APBB2: variants seen among roughly 807,000 people sequenced by gnomAD.
APBB2 encodes the protein amyloid beta precursor protein binding family B member 2.
APBB2 carries 38 observed loss-of-function variants against 82.5 expected under a neutral mutation model. The ratio of observed to expected loss-of-function variants is 0.46; its 90% confidence interval spans 0.36 to 0.60. The LOEUF is 0.60. Ranked by LOEUF, APBB2 falls within the 20% of genes least tolerant of loss-of-function variation. The pLI is 0.00. For missense variants in APBB2, 772 were observed against 972.3 expected, an observed-to-expected ratio of 0.79 and a Z score of 2.74; for synonymous variants, 341 against 368.2, an observed-to-expected ratio of 0.93 and a Z score of 0.85.
At chr4:40,919,641 C>A (rs746307053) in intron 10 of APBB2, among the ~76,000 whole-genome samples, 5 of 152,194 alleles carry the variant, frequency 3.3e-5, no homozygotes, top group Non-Finnish European at 5.9e-5. Flanking sequence ...GTGACTCTGT[C>A]CACACAGCCG....
chr4:41,033,062 C>T (rs1051669446), intron 5 of APBB2, among the ~76,000 whole-genome samples, 174 bp downstream of exon 5: 19 of 151,990 alleles, frequency 1.3e-4, no homozygotes, highest in Admixed American at 1.2e-3. Flanking sequence ...GGATTACAGG[C>T]GTGAGCCACC....
chr4:40,996,301 A>C (rs939607128), intron 6 of APBB2, among the ~76,000 whole-genome samples: 12 of 152,216 alleles, frequency 7.9e-5, no homozygotes, highest in Middle Eastern at 3.2e-3. Flanking sequence ...TAAGTATTTC[A>C]CTGTTTTTGT....
intron 6 of APBB2, among the ~76,000 whole-genome samples, chr4:40,945,705 C>T (rs1307938301): frequency 6.6e-6 from 1 of 152,120 alleles, no homozygotes; most frequent in East Asian, 1.9e-4. Flanking sequence ...CTCCACCTCC[C>T]GGGTTCACAC....
chr4:41,123,614 G>A, intron 2 of APBB2, among the ~76,000 whole-genome samples: 1 of 152,124 alleles, frequency 6.6e-6, no homozygotes, highest in Non-Finnish European at 1.5e-5. Context: ...GGTGAGGTCA[G>A]GAGTTTGTGA....
intron 12 of APBB2, among the ~76,000 whole-genome samples, chr4:40,868,812 G>A (rs1236343071): frequency 6.6e-6 from 1 of 152,072 alleles, no homozygotes; most frequent in Non-Finnish European, 1.5e-5. Flanking sequence ...CCACCAAAGA[G>A]CCATTTTATT....
chr4:40,903,187 G>A (rs1285630725), intron 10 of APBB2, among the ~76,000 whole-genome samples: 1 of 151,984 alleles, frequency 6.6e-6, no homozygotes, highest in Non-Finnish European at 1.5e-5. Context: ...TGGGCCAGGT[G>A]TGGTGGCTCA....
chr4:41,034,645 T>A (rs1006641019), intron 4 of APBB2, among the ~76,000 whole-genome samples: 9 of 152,244 alleles, frequency 5.9e-5, no homozygotes, highest in African/African-American at 2.2e-4. Context: ...TTAAGATGCA[T>A]CACCAAGAGG....
At chr4:40,899,263 A>G (rs1368303777) in intron 10 of APBB2, among the ~76,000 whole-genome samples, 2 of 152,188 alleles carry the variant, frequency 1.3e-5, no homozygotes, top group Non-Finnish European at 2.9e-5. Context: ...GTTAGTTACT[A>G]TGGGCATTTA....
intron 12 of APBB2, among the ~76,000 whole-genome samples, chr4:40,840,375 G>GA (rs546414882): frequency 8.4e-4 from 128 of 152,258 alleles, no homozygotes; most frequent in African/African-American, 2.8e-3. Context: ...ACTGCACTTT[G>GA]AAAAAATCTT....
chr4:40,981,179 C>T (rs917183896), intron 6 of APBB2, among the ~76,000 whole-genome samples: 8 of 151,978 alleles, frequency 5.3e-5, no homozygotes, highest in Non-Finnish European at 1.0e-4. Context: ...CTGAGGCGGG[C>T]GGATCACGAG....
At chr4:41,175,690 A>G (rs1185258757) in intron 1 of APBB2, among the ~76,000 whole-genome samples, 1 of 152,100 alleles carries the variant, frequency 6.6e-6, no homozygotes, top group Non-Finnish European at 1.5e-5. Flanking sequence ...TAATTTTTTT[A>G]TTCAGATAAA....
intron 6 of APBB2, among the ~76,000 whole-genome samples, chr4:40,955,764 A>G (rs886949115): frequency 5.3e-5 from 8 of 151,018 alleles, no homozygotes; most frequent in Admixed American, 2.0e-4. Flanking sequence ...TAACCAAAAC[A>G]TATTTTTCTT....
chr4:40,953,849 C>T (rs916594506), intron 6 of APBB2, among the ~76,000 whole-genome samples: 5 of 152,132 alleles, frequency 3.3e-5, no homozygotes, highest in African/African-American at 9.7e-5. Context: ...AGGGGCTCTG[C>T]GGCTCTTCGT....
chr4:41,060,452 C>G (rs1183068672), intron 4 of APBB2, among the ~76,000 whole-genome samples: 1 of 152,178 alleles, frequency 6.6e-6, no homozygotes, highest in Non-Finnish European at 1.5e-5. Flanking sequence ...CTCCCTCCCC[C>G]TCAGTCGTGG....
At chr4:41,096,345 C>T (rs551099278) in intron 3 of APBB2, among the ~76,000 whole-genome samples, 17 of 152,298 alleles carry the variant, frequency 1.1e-4, no homozygotes, top group African/African-American at 2.9e-4. Flanking sequence ...GTTTCAATAA[C>T]GCCCACCCCT....
intron 10 of APBB2, among the ~76,000 whole-genome samples, chr4:40,930,442 TGTGTGTGC>T (rs769324430): frequency 0.013 from 936 of 73,746 alleles, 7 homozygotes; most frequent in Admixed American, 0.047. Context: ...TGTGTGTGTG[TGTGTGTGC>T]GCGCGCGCGC....
At chr4:41,165,822 C>A (rs945984624) in intron 1 of APBB2, among the ~76,000 whole-genome samples, 1 of 152,074 alleles carries the variant, frequency 6.6e-6, no homozygotes, top group South Asian at 2.1e-4. Context: ...AACCCCTCCA[C>A]CTGCTCGCTT....
intron 2 of APBB2, among the ~76,000 whole-genome samples, chr4:41,105,093 C>G (rs1473850641): frequency 1.3e-5 from 2 of 152,170 alleles, no homozygotes; most frequent in Non-Finnish European, 2.9e-5. Context: ...GATTGAAAGT[C>G]AGTGGTTGTA....
At chr4:40,990,695 G>A (rs1040972034) in intron 6 of APBB2, among the ~76,000 whole-genome samples, 7 of 152,278 alleles carry the variant, frequency 4.6e-5, no homozygotes, top group African/African-American at 1.7e-4. Context: ...TGGGTGCTGA[G>A]TCCAAGTGTG....
Sources: gnomAD v4.1 joint callset for allele counts (sites outside exome capture counted in the v4.1 genomes callset) on GRCh38, gnomAD v4.1.1 for gene constraint, MANE v1.5 for transcripts, NCBI Gene and HGNC (gene_info 2026-07-23, HGNC 2026-07-21) for gene names.